The following KDM4B variants were observed in gnomAD, a reference collection of about 807,000 sequenced individuals.
KDM4B encodes the protein lysine demethylase 4B, also known as lysine-specific demethylase 4B.
In KDM4B, 32 loss-of-function variants were observed where a neutral mutation model predicts 125.2. The ratio of observed to expected loss-of-function variants is 0.26; its 90% CI spans 0.19 to 0.34. The LOEUF is 0.34. Among genes scored for constraint, KDM4B ranks in the 10% least tolerant of loss-of-function variants. The probability of loss-of-function intolerance (pLI) is 1.00; values close to 1 mark genes in which losing one functional copy is unlikely to be tolerated. For synonymous variants in KDM4B, 721 were observed against 677.9 expected, an observed-to-expected ratio of 1.06 and a Z score of -0.99; for missense variants, 1,190 against 1,577.7, an observed-to-expected ratio of 0.75 and a Z score of 4.16.
At chr19:5,046,123 C>CTT (rs1044277994) in intron 5 of KDM4B, among the ~76,000 whole-genome samples, 1 of 152,228 alleles carries the variant, frequency 6.6e-6, no homozygotes, top group Non-Finnish European at 1.5e-5. Context: ...CCTGCACTGC[C>CTT]TGCACTTGGC....
At chr19:5,113,639 G>A (rs1171888706) in intron 10 of KDM4B, among the ~76,000 whole-genome samples, 1 of 152,158 alleles carries the variant, frequency 6.6e-6, no homozygotes, top group Non-Finnish European at 1.5e-5. Flanking sequence ...ATCCTTCTCT[G>A]GTTGGGGGAG....
At chr19:5,075,384 T>C (rs1320186172) in intron 7 of KDM4B, 1 of 152,346 alleles carries the variant, frequency 6.6e-6, no homozygotes, top group Non-Finnish European at 1.5e-5. Flanking sequence ...GGGGCATCCT[T>C]ACCTTACCCG....
intron 6 of KDM4B, among the ~76,000 whole-genome samples, chr19:5,051,278 C>A (rs920492741): frequency 1.6e-4 from 24 of 152,350 alleles, no homozygotes; most frequent in Admixed American, 2.6e-4. Context: ...GAGTGGCCAT[C>A]CCCCCTCGAG....
intron 16 of KDM4B, 80 bp from the exon 17 acceptor site, chr19:5,137,541 G>T: frequency 7.0e-7 from 1 of 1,421,512 alleles, no homozygotes. Context: ...GGCTGGGGAC[G>T]GTTGGCAGAT....
intron 6 of KDM4B, among the ~76,000 whole-genome samples, chr19:5,056,865 AG>A (rs2037413092): frequency 9.2e-6 from 1 of 109,254 alleles, no homozygotes; most frequent in African/African-American, 3.5e-5. Flanking sequence ...TGGGGCGGGG[AG>A]TCCTGGGGCG....
At chr19:4,981,484 T>C (rs903988285) in intron 1 of KDM4B, among the ~76,000 whole-genome samples, 2 of 152,170 alleles carry the variant, frequency 1.3e-5, no homozygotes, top group African/African-American at 4.8e-5. Flanking sequence ...GTCCGGGGCC[T>C]GGTCCCAGCC....
intron 10 of KDM4B, among the ~76,000 whole-genome samples, chr19:5,118,907 C>T (rs550942316): frequency 7.9e-5 from 12 of 152,200 alleles, no homozygotes; most frequent in Admixed American, 6.5e-5. Flanking sequence ...GTGAGCAGAT[C>T]CTGGGCTCAG....
Position 5,137,948 on chromosome 19 carries a change from A to C in KDM4B, c.2442-14A>C. 1 of 1,607,030 alleles carries C rather than the reference A, an allele frequency of 6.2e-7. No homozygotes were observed. The highest frequency in any genetic ancestry group is 1.3e-5 in the African/African-American group (1 of 74,948). ...TCAGAGGCGCACCTGACCCCGCTGC[A>C]CCTGCCCTCCCAGGTGGATCCACGT... On this transcript the variant is annotated splice_polypyrimidine_tract_variant and intron_variant, in intron 17 of 22. Transcript: ENST00000159111.
chr19:4,988,332 G>C (rs2034914057), intron 1 of KDM4B, among the ~76,000 whole-genome samples: 1 of 152,140 alleles, frequency 6.6e-6, no homozygotes, highest in South Asian at 2.1e-4. Context: ...CTGGAGTGCA[G>C]TGGTGCGATC....
intron 2 of KDM4B, among the ~76,000 whole-genome samples, chr19:5,032,123 C>G (rs2036478281): frequency 6.6e-6 from 1 of 152,188 alleles, no homozygotes; most frequent in Non-Finnish European, 1.5e-5. Context: ...ACACCTGGGA[C>G]AGGAGGGAGC....
intron 9 of KDM4B, among the ~76,000 whole-genome samples, chr19:5,092,404 C>T (rs1469728753): frequency 6.6e-6 from 1 of 152,224 alleles, no homozygotes; most frequent in East Asian, 1.9e-4. Flanking sequence ...TCCAGGCTCC[C>T]TGCGGGCCCT....
In KDM4B at chr19:4,997,451, T is replaced by A. The variant is rs2035238080; in HGVS notation, c.-108-18806T>A. Among the ~76,000 whole-genome samples, 1 of 152,034 alleles carries A rather than the reference T, an allele frequency of 6.6e-6. No individual in the cohort carries two copies. The highest frequency in any genetic ancestry group is 1.5e-5 in the Non-Finnish European group (1 of 67,980). ...GGGCGGCGAGGTGGGCTGGGCTTTG[T>A]GTTTCCAACATGTCCACCCCAGCCG... On this transcript the variant is annotated intron_variant, in intron 1 of 22. Transcript: ENST00000159111. The surrounding 1 kb of genome is among the most constrained non-coding windows in gnomAD (Gnocchi z 4.2).
At chr19:5,070,903 T>G in intron 6 of KDM4B, 107 bp from the exon 7 acceptor site, 1 of 1,167,708 alleles carries the variant, frequency 8.6e-7, no homozygotes, top group East Asian at 2.4e-5. Flanking sequence ...CCACTTTGCT[T>G]CTGCCCTGGG....
intron 1 of KDM4B, among the ~76,000 whole-genome samples, chr19:4,987,120 G>A (rs1040188918): frequency 6.6e-6 from 1 of 151,986 alleles, no homozygotes; most frequent in Non-Finnish European, 1.5e-5. Context: ...CACTACGCCT[G>A]GCTAATTTTT....
In KDM4B at chr19:5,060,742, A is replaced by G. The variant is rs1311646644; in HGVS notation, c.627-10268A>G. ...GTGTCAGTGGCCCTGTGTCCCTGGC[A>G]CTGTGTCCGAACCTGACAGCCGCCG... On this transcript the variant is annotated intron_variant, in intron 6 of 22. Coordinates refer to ENST00000159111, the MANE Select transcript of KDM4B (RefSeq NM_015015.3). Among the ~76,000 whole-genome samples the G allele has an allele frequency of 2.0e-5, 3 of 152,222 alleles. No homozygotes were observed. The East Asian group carries it at 5.8e-4, about 29-fold the overall frequency.
chr19:5,103,373 C>T (rs115916295), intron 9 of KDM4B, among the ~76,000 whole-genome samples: 2,117 of 152,344 alleles, frequency 0.014, 43 homozygotes, highest in African/African-American at 0.048. Flanking sequence ...CGTCGGGTCC[C>T]GCTCTGCATA....
rs564372059 is a variant in KDM4B at position 5,113,315 on chromosome 19, A to G, written c.1115+2497A>G. 2.0e-5 allele frequency: 3 copies of G among 151,288 alleles called. No individual in the cohort carries two copies. In the South Asian group the frequency reaches 6.3e-4, roughly 32 times the overall value. The allele number at this position is 151,288 out of a possible 1,614,324, so 9.4% of individuals were successfully genotyped here. A position where few individuals can be genotyped will look rare whatever the true frequency, so the allele number is the denominator to read the frequency against. ...TATAATTTTCTTGAAAGCCTTCAGTATGTAAAACAAGGCTGATTCACTTTT... is the reference window on the plus strand; with the variant it reads ...TATAATTTTCTTGAAAGCCTTCAGTGTGTAAAACAAGGCTGATTCACTTTT... On this transcript the variant is annotated intron_variant, in intron 10 of 22. Coordinates refer to ENST00000159111, the MANE Select transcript of KDM4B (RefSeq NM_015015.3).
chr19:5,127,405 CCT>C (rs1008520247), intron 11 of KDM4B, among the ~76,000 whole-genome samples: 29 of 152,192 alleles, frequency 1.9e-4, no homozygotes. Flanking sequence ...AACAGGGTCC[CCT>C]GTGTGTCTGC....
intron 1 of KDM4B, among the ~76,000 whole-genome samples, chr19:4,969,581 C>T (rs1013837162): frequency 6.6e-6 from 1 of 151,688 alleles, no homozygotes; most frequent in Non-Finnish European, 1.5e-5. Flanking sequence ...GTGGGTGGCC[C>T]CGGCCGGGCC....
Sources: gnomAD v4.1 joint callset for allele counts (sites outside exome capture counted in the v4.1 genomes callset) on GRCh38, gnomAD v4.1.1 for gene constraint, Gnocchi (gnomAD v3.1) non-coding constraint, MANE v1.5 for transcripts, NCBI Gene and HGNC (gene_info 2026-07-23, HGNC 2026-07-21) for gene names.